Variants in SGCZ observed in about 807,000 individuals in gnomAD.
The protein encoded by SGCZ is zeta-sarcoglycan.
Under a neutral mutation model 41.3 loss-of-function variants are expected in SGCZ, and 40 were observed. That is an observed-to-expected ratio of 0.97 (90% CI 0.75 to 1.26). The LOEUF (loss-of-function observed/expected upper bound fraction) is 1.26. SGCZ is among the 50% of genes most tolerant of loss of function. The pLI, the probability that SGCZ is intolerant of heterozygous loss-of-function variation, is 0.00. For missense variants in SGCZ, 552 were observed against 369.8 expected, an observed-to-expected ratio of 1.49 and a Z score of -4.04; for synonymous variants, 206 against 137.5, an observed-to-expected ratio of 1.50 and a Z score of -3.49.
chr8:14,468,842 C>G lies in SGCZ; in HGVS notation c.234+85890G>C, dbSNP rs1353974326. ...TGTGCCCAAGTAACCTCAGATAAAT[C>G]AAGCTGCCCATCATCTAACAAATAA... On this transcript the variant is annotated intron_variant, in intron 2 of 7. Coordinates refer to ENST00000382080, the MANE Select transcript of SGCZ (RefSeq NM_139167.4). 2.6e-5 allele frequency among the ~76,000 whole-genome samples: 4 copies of G among 152,046 alleles called. No individual in the cohort carries two copies. The East Asian group carries it at 7.7e-4, about 29-fold the overall frequency.
intron 1 of SGCZ, among the ~76,000 whole-genome samples, chr8:15,138,821 A>G (rs2116991161): frequency 2.0e-5 from 3 of 152,330 alleles, no homozygotes; most frequent in Middle Eastern, 6.8e-3. Context: ...AAAAATGTTT[A>G]AACCATGTGG....
intron 1 of SGCZ, among the ~76,000 whole-genome samples, chr8:15,160,093 T>C (rs760284967): frequency 1.3e-5 from 2 of 152,112 alleles, no homozygotes; most frequent in Non-Finnish European, 2.9e-5. Flanking sequence ...TAGTGTTACA[T>C]TCACATTGTT....
At chr8:14,256,590 C>G (rs1002018770) in intron 3 of SGCZ, among the ~76,000 whole-genome samples, 2 of 151,968 alleles carry the variant, frequency 1.3e-5, no homozygotes, top group Non-Finnish European at 2.9e-5. Flanking sequence ...AGGTTTAAAC[C>G]CTTAAGACAA....
intron 1 of SGCZ, among the ~76,000 whole-genome samples, chr8:14,813,220 G>T (rs922481219): frequency 6.6e-6 from 1 of 152,140 alleles, no homozygotes; most frequent in Non-Finnish European, 1.5e-5. Flanking sequence ...CGATTTACCA[G>T]TCATCTTTGG....
chr8:14,651,901 G>T (rs565038329), intron 1 of SGCZ, among the ~76,000 whole-genome samples: 3 of 151,626 alleles, frequency 2.0e-5, no homozygotes, highest in East Asian at 3.9e-4. Flanking sequence ...TATTGTTCTG[G>T]GGGAAAAAAA....
rs13282656 is a variant in SGCZ at position 14,119,722 on chromosome 8, T to C, written c.548-11487A>G. On this transcript the variant is annotated intron_variant, in intron 5 of 7. Transcript: ENST00000382080. ...TTTGTCATAAATAGCTCTTATTATT[T>C]TGAGATACATTCCATCAATATCTAG... 4.7e-3 allele frequency among the ~76,000 whole-genome samples: 714 copies of C among 152,326 alleles called. 6 individuals carry two copies. Among genetic ancestry groups the C allele is most frequent in the Non-Finnish European group, 8.8e-3 (598 of 68,022 alleles).
chr8:14,722,609 G>A (rs962115992), intron 1 of SGCZ, among the ~76,000 whole-genome samples: 4 of 151,438 alleles, frequency 2.6e-5, no homozygotes, highest in African/African-American at 9.8e-5. Context: ...AATGAGAAGG[G>A]AAAAGCAATA....
intron 2 of SGCZ, among the ~76,000 whole-genome samples, chr8:14,547,257 C>T (rs897896048): frequency 6.6e-6 from 1 of 152,120 alleles, no homozygotes; most frequent in African/African-American, 2.4e-5. Context: ...TTACATTTTT[C>T]AAGATGTTTC....
intron 1 of SGCZ, among the ~76,000 whole-genome samples, chr8:14,621,827 T>G (rs10283268): frequency 0.83 from 126,191 of 151,968 alleles, 52,799 homozygotes; most frequent in Non-Finnish European, 0.88. Context: ...TGAGATTTGG[T>G]TGGGGACGCA....
rs1804414058 is a variant in SGCZ at position 14,877,658 on chromosome 8, CT to C, written c.40-322733del. On this transcript the variant is annotated intron_variant, in intron 1 of 7. Transcript: ENST00000382080. Reference sequence around the variant, plus strand: ...TCATGTTGATTTTCAATAATTCTCCCTTTTACTGTCAAACACAAATGTACAT... The same window carrying C: ...TCATGTTGATTTTCAATAATTCTCCCTTTACTGTCAAACACAAATGTACAT... Among the ~76,000 whole-genome samples, 4 of 152,236 alleles carry C rather than the reference CT, an allele frequency of 2.6e-5. No homozygotes were observed. The South Asian group carries it at 8.3e-4, about 32-fold the overall frequency.
At chr8:14,895,896 G>C (rs1805177861) in intron 1 of SGCZ, among the ~76,000 whole-genome samples, 1 of 152,110 alleles carries the variant, frequency 6.6e-6, no homozygotes, top group African/African-American at 2.4e-5. Flanking sequence ...TTTATTAGAA[G>C]TTCTTCTGGT....
In SGCZ at chr8:14,704,034, G is replaced by C. The variant is rs1430545460; in HGVS notation, c.40-149108C>G. ...TCTTCATGAGAAATTAGCCCACATAGCCTCTCAGTTATACTTACTCAATGT... is the reference window on the plus strand; with the variant it reads ...TCTTCATGAGAAATTAGCCCACATACCCTCTCAGTTATACTTACTCAATGT... On this transcript the variant is annotated intron_variant, in intron 1 of 7. Coordinates refer to ENST00000382080, the MANE Select transcript of SGCZ (RefSeq NM_139167.4). Among the ~76,000 whole-genome samples the C allele has an allele frequency of 3.3e-5, 5 of 152,052 alleles. No homozygotes were observed. The East Asian group carries it at 9.6e-4, about 29-fold the overall frequency.
At chr8:14,369,474 C>A (rs1803835351) in intron 2 of SGCZ, among the ~76,000 whole-genome samples, 1 of 151,968 alleles carries the variant, frequency 6.6e-6, no homozygotes, top group Non-Finnish European at 1.5e-5. Flanking sequence ...TAGAGGCACT[C>A]AATGGCAGTT....
chr8:14,404,170 A>G (rs1325310169), intron 2 of SGCZ, among the ~76,000 whole-genome samples: 1 of 152,196 alleles, frequency 6.6e-6, no homozygotes, highest in African/African-American at 2.4e-5. Context: ...TAACAATCAC[A>G]TACTTAGACT....
At chr8:14,981,125 C>T (rs1801650294) in intron 1 of SGCZ, among the ~76,000 whole-genome samples, 2 of 152,154 alleles carry the variant, frequency 1.3e-5, no homozygotes, top group South Asian at 2.1e-4. Context: ...GAATAGAGCA[C>T]ATTCCCTTAG....
intron 1 of SGCZ, among the ~76,000 whole-genome samples, chr8:14,795,195 G>T (rs1801084222): frequency 6.6e-6 from 1 of 152,138 alleles, no homozygotes; most frequent in South Asian, 2.1e-4. Flanking sequence ...ACATGTGAAA[G>T]ATATATTTGT....
At chr8:14,595,006 T>C (rs1264535180) in intron 1 of SGCZ, among the ~76,000 whole-genome samples, 3 of 151,980 alleles carry the variant, frequency 2.0e-5, no homozygotes, top group Non-Finnish European at 4.4e-5. Flanking sequence ...ATTTTATATT[T>C]TTTTCTGTAG....
chr8:14,670,843 T>A lies in SGCZ; in HGVS notation c.40-115917A>T, dbSNP rs1038727672. ...TCTTAGTTTGCATAGATAGCAAATGTCAAAGCTCACATTCATTTCAAACTC... is the reference window on the plus strand; with the variant it reads ...TCTTAGTTTGCATAGATAGCAAATGACAAAGCTCACATTCATTTCAAACTC... On this transcript the variant is annotated intron_variant, in intron 1 of 7. Transcript: ENST00000382080. Among the ~76,000 whole-genome samples, 8 of 152,338 alleles carry A rather than the reference T, an allele frequency of 5.3e-5. No homozygotes were observed. The East Asian group carries it at 1.3e-3, about 26-fold the overall frequency.
rs78049076 is a variant in SGCZ, at chr8:14,576,879, G to A, written c.40-21953C>T. On this transcript the variant is annotated intron_variant, in intron 1 of 7. Coordinates refer to ENST00000382080, the MANE Select transcript of SGCZ (RefSeq NM_139167.4). ...ATTGCAGTCCTCTCCTTGTAAGAAG[G>A]AGCTATGAAGGATGGAAAGTGATGA... Among the ~76,000 whole-genome samples, 104 of 152,296 alleles carry A rather than the reference G, an allele frequency of 6.8e-4. 1 individual carries two copies. The East Asian group carries it at 0.019, about 27-fold the overall frequency.
Sources: gnomAD v4.1 joint callset for allele counts (sites outside exome capture counted in the v4.1 genomes callset) on GRCh38, gnomAD v4.1.1 for gene constraint, MANE v1.5 for transcripts, NCBI Gene and HGNC (gene_info 2026-07-23, HGNC 2026-07-21) for gene names.